The following ETV6 variants were observed in gnomAD, a reference collection of about 807,000 sequenced individuals.
ETV6 encodes the protein transcription factor ETV6.
A neutral mutation model predicts 51.1 loss-of-function variants in ETV6; 16 were observed. That is an observed-to-expected ratio of 0.31 (90% confidence interval 0.21 to 0.48). The LOEUF is 0.48. Ranked by LOEUF, ETV6 falls within the 20% of genes least tolerant of loss-of-function variation. The pLI is 0.99. For missense variants in ETV6, 458 were observed against 594.8 expected (o/e 0.77, Z 2.39); for synonymous variants, 240 against 224.1 (o/e 1.07, Z -0.64).
chr12:11,889,593 G>T (rs554763449), intron 7 of ETV6, among the ~76,000 whole-genome samples: 1 of 152,178 alleles, frequency 6.6e-6, no homozygotes, highest in Non-Finnish European at 1.5e-5. Context: ...GACTCAACTC[G>T]TGAGAAGAGT....
intron 5 of ETV6, among the ~76,000 whole-genome samples, chr12:11,873,117 C>A (rs1268898112): frequency 2.6e-5 from 4 of 152,120 alleles, no homozygotes; most frequent in African/African-American, 9.7e-5. Flanking sequence ...TTAAATCTCC[C>A]AATATATATT....
intron 4 of ETV6, among the ~76,000 whole-genome samples, chr12:11,866,356 G>A (rs1946790670): frequency 6.6e-6 from 1 of 151,982 alleles, no homozygotes; most frequent in Non-Finnish European, 1.5e-5. Context: ...CTCAGGTTCT[G>A]TTTCTTTTGA....
At chr12:11,753,890 G>T (rs1007788760) in intron 2 of ETV6, among the ~76,000 whole-genome samples, 3 of 152,214 alleles carry the variant, frequency 2.0e-5, no homozygotes, top group African/African-American at 4.8e-5. Context: ...CTTCATTTGG[G>T]CAGGGAAGTA....
At chr12:11,800,240 C>G (rs1389241915) in intron 2 of ETV6, among the ~76,000 whole-genome samples, 2 of 152,158 alleles carry the variant, frequency 1.3e-5, no homozygotes, top group Non-Finnish European at 2.9e-5. Flanking sequence ...TCATCCATCT[C>G]ACCTCCCATC....
chr12:11,672,108 C>T (rs1453562971), intron 1 of ETV6, among the ~76,000 whole-genome samples: 1 of 151,742 alleles, frequency 6.6e-6, no homozygotes, highest in Non-Finnish European at 1.5e-5. Flanking sequence ...GGGGTGTTTC[C>T]AGGGCTCATT....
intron 1 of ETV6, among the ~76,000 whole-genome samples, chr12:11,687,468 C>T (rs563516583): frequency 9.2e-5 from 14 of 152,156 alleles, no homozygotes; most frequent in African/African-American, 2.2e-4. Context: ...AGGCGTGACC[C>T]GCACCCAGCG....
chr12:11,715,000 C>A (rs1486441617), intron 1 of ETV6, among the ~76,000 whole-genome samples: 1 of 152,146 alleles, frequency 6.6e-6, no homozygotes, highest in Non-Finnish European at 1.5e-5. Context: ...AAAGATGATA[C>A]CCACGTTACA....
intron 5 of ETV6, among the ~76,000 whole-genome samples, chr12:11,881,371 A>T (rs1460204259): frequency 6.6e-6 from 1 of 152,088 alleles, no homozygotes; most frequent in African/African-American, 2.4e-5. Flanking sequence ...ATTAAGCCAC[A>T]GCTGAGTTCT....
chr12:11,886,529 T>C (rs978181796), intron 7 of ETV6, among the ~76,000 whole-genome samples: 7 of 152,042 alleles, frequency 4.6e-5, no homozygotes, highest in South Asian at 2.1e-4. Context: ...CTGCATGACA[T>C]GTAGCAAGAA....
intron 2 of ETV6, among the ~76,000 whole-genome samples, chr12:11,777,239 C>CAA (rs5796465): frequency 0.14 from 11,204 of 77,928 alleles, 1,290 homozygotes; most frequent in South Asian, 0.25. Flanking sequence ...GACTCCGTGT[C>CAA]AAAAAAAAAA....
intron 1 of ETV6, among the ~76,000 whole-genome samples, chr12:11,739,604 G>C (rs532855164): frequency 6.6e-6 from 1 of 152,098 alleles, no homozygotes; most frequent in Non-Finnish European, 1.5e-5. Context: ...TTTAGTGTCG[G>C]ATTTGAAATG....
chr12:11,726,493 C>T (rs141275504), intron 1 of ETV6, among the ~76,000 whole-genome samples: 175 of 152,254 alleles, frequency 1.1e-3, no homozygotes, highest in African/African-American at 4.0e-3. Context: ...TTTAAAAGTA[C>T]AGGGCTGAGC....
chr12:11,826,439 T>A (rs1946154369), intron 2 of ETV6: 1 of 152,238 alleles, frequency 6.6e-6, no homozygotes, highest in South Asian at 2.1e-4. Context: ...TCGTAAGCCA[T>A]GAATGATGAC....
intron 5 of ETV6, among the ~76,000 whole-genome samples, chr12:11,874,568 GTGTA>G: frequency 3.4e-3 from 2 of 588 alleles, no homozygotes; most frequent in African/African-American, 3.6e-3. Context: ...GTATGTGCGT[GTGTA>G]CACATATATG....
intron 1 of ETV6, 80 bp downstream of exon 1, chr12:11,650,240 A>T (rs992164237): frequency 3.1e-5 from 39 of 1,255,552 alleles, no homozygotes; most frequent in Non-Finnish European, 4.0e-5. Context: ...GGCTCCTCAG[A>T]GCAGGCTGTT....
At chr12:11,851,470 C>T (rs952847748) in intron 3 of ETV6, among the ~76,000 whole-genome samples, 5 of 152,150 alleles carry the variant, frequency 3.3e-5, no homozygotes, top group African/African-American at 1.2e-4. Context: ...TTTCAGGCTT[C>T]TTATCCCCGC....
intron 2 of ETV6, among the ~76,000 whole-genome samples, chr12:11,780,653 A>G (rs973740900): frequency 6.6e-6 from 1 of 152,198 alleles, no homozygotes; most frequent in Admixed American, 6.5e-5. Flanking sequence ...CATAAATAAC[A>G]TCTCACCATC....
intron 3 of ETV6, among the ~76,000 whole-genome samples, chr12:11,842,069 G>A (rs568215484): frequency 1.4e-4 from 20 of 139,980 alleles, no homozygotes; most frequent in Non-Finnish European, 2.3e-4. Context: ...GCGACAGAGC[G>A]AGACTCCGTC....
chr12:11,682,433 G>C (rs1426179275), intron 1 of ETV6, among the ~76,000 whole-genome samples: 3 of 152,026 alleles, frequency 2.0e-5, no homozygotes, highest in African/African-American at 7.3e-5. Context: ...TTGTAAATTT[G>C]TTTTAAGTTC....
Sources: gnomAD v4.1 joint callset for allele counts (sites outside exome capture counted in the v4.1 genomes callset) on GRCh38, gnomAD v4.1.1 for gene constraint, MANE v1.5 for transcripts, NCBI Gene and HGNC (gene_info 2026-07-23, HGNC 2026-07-21) for gene names.